Variants in PARD3 observed in about 807,000 individuals in gnomAD.
The protein encoded by PARD3 is par-3 family cell polarity regulator.
PARD3 carries 75 observed loss-of-function variants against 155.4 expected under a neutral mutation model. The ratio of observed to expected loss-of-function variants is 0.48; its 90% CI spans 0.40 to 0.58. The LOEUF is 0.58. Ranked by LOEUF, PARD3 falls within the 20% of genes least tolerant of loss-of-function variation. The pLI is 0.00. For missense variants in PARD3, 1,642 were observed against 1,721.7 expected, an observed-to-expected ratio of 0.95 and a Z score of 0.82; for synonymous variants, 576 against 610.5, an observed-to-expected ratio of 0.94 and a Z score of 0.83.
At chr10:34,253,944 G>A (rs1954483463) in intron 22 of PARD3, among the ~76,000 whole-genome samples, 1 of 152,128 alleles carries the variant, frequency 6.6e-6, no homozygotes, top group Non-Finnish European at 1.5e-5. Flanking sequence ...GGGAGTGGGA[G>A]GGGGCTGGAT....
intron 2 of PARD3, among the ~76,000 whole-genome samples, chr10:34,542,234 T>TGTGTGTGTGCAC (rs143582528): frequency 0.085 from 12,476 of 146,208 alleles, 715 homozygotes; most frequent in East Asian, 0.14. Flanking sequence ...TGTGTGTGTG[T>TGTGTGTGTGCAC]GTGTGCACAC....
chr10:34,140,517 T>G (rs1450104156), intron 22 of PARD3, among the ~76,000 whole-genome samples: 3 of 152,252 alleles, frequency 2.0e-5, no homozygotes, highest in Admixed American at 1.3e-4. Context: ...AAAAGCAAAC[T>G]GTGAACTTTC....
intron 1 of PARD3, among the ~76,000 whole-genome samples, chr10:34,740,006 C>A (rs1175157858): frequency 5.9e-5 from 9 of 152,180 alleles, no homozygotes; most frequent in Admixed American, 3.9e-4. Context: ...GCCAGCGACT[C>A]CGTGCAAGTT....
chr10:34,451,090 G>C (rs146693257), intron 4 of PARD3, among the ~76,000 whole-genome samples: 3 of 152,082 alleles, frequency 2.0e-5, no homozygotes, highest in Non-Finnish European at 4.4e-5. Context: ...TATAACAAGC[G>C]ATGTCTTTAC....
chr10:34,423,637 T>G (rs2075435358), intron 5 of PARD3, among the ~76,000 whole-genome samples: 1 of 152,178 alleles, frequency 6.6e-6, no homozygotes, highest in Non-Finnish European at 1.5e-5. Flanking sequence ...GTAATTACTG[T>G]TATTAACCAA....
At chr10:34,685,441 A>G (rs2093938915) in intron 2 of PARD3, among the ~76,000 whole-genome samples, 1 of 152,210 alleles carries the variant, frequency 6.6e-6, no homozygotes, top group South Asian at 2.1e-4. Flanking sequence ...AAAAAACAGT[A>G]CGCTGGTCAC....
chr10:34,498,956 C>T (rs1442452887), intron 3 of PARD3, among the ~76,000 whole-genome samples: 1 of 152,138 alleles, frequency 6.6e-6, no homozygotes, highest in Non-Finnish European at 1.5e-5. Context: ...AGTAATAGCC[C>T]TGACTCTTGC....
chr10:34,449,826 TTGAAATTTA>T (rs1272926718), intron 5 of PARD3, among the ~76,000 whole-genome samples: 2 of 152,188 alleles, frequency 1.3e-5, no homozygotes, highest in Non-Finnish European at 2.9e-5. Context: ...AAATAGGTCC[TTGAAATTTA>T]TGAAGGGATA....
chr10:34,437,431 G>A (rs933372663), intron 5 of PARD3, among the ~76,000 whole-genome samples: 3 of 152,056 alleles, frequency 2.0e-5, no homozygotes, highest in East Asian at 1.9e-4. Flanking sequence ...GCTTTACTCA[G>A]AGAACTGAGG....
intron 22 of PARD3, among the ~76,000 whole-genome samples, chr10:34,140,700 T>C (rs1161941163): frequency 6.6e-6 from 1 of 152,222 alleles, no homozygotes; most frequent in Non-Finnish European, 1.5e-5. Flanking sequence ...GCAAGCTTCA[T>C]TAAGTTTTAT....
intron 23 of PARD3, among the ~76,000 whole-genome samples, chr10:34,125,692 ATT>A (rs2132724694): frequency 6.6e-6 from 1 of 152,322 alleles, no homozygotes; most frequent in African/African-American, 2.4e-5. Context: ...AAAAGGACAG[ATT>A]TTGTTATTCA....
At chr10:34,428,468 T>C (rs1200343404) in intron 5 of PARD3, among the ~76,000 whole-genome samples, 1 of 152,176 alleles carries the variant, frequency 6.6e-6, no homozygotes, top group Non-Finnish European at 1.5e-5. Flanking sequence ...CTGGGCCTCA[T>C]AGTGAGATCC....
chr10:34,331,751 A>G (rs1039012740), intron 18 of PARD3, among the ~76,000 whole-genome samples: 2 of 123,188 alleles, frequency 1.6e-5, no homozygotes, highest in African/African-American at 6.9e-5. Flanking sequence ...CTTAATTAAA[A>G]CCTTTTTTTT....
intron 4 of PARD3, among the ~76,000 whole-genome samples, chr10:34,461,093 C>A (rs1417761046): frequency 1.3e-5 from 2 of 152,222 alleles, no homozygotes; most frequent in East Asian, 3.9e-4. Context: ...CACATTTCTC[C>A]AAAGGCAGCC....
intron 21 of PARD3, among the ~76,000 whole-genome samples, chr10:34,276,958 A>C (rs909527125): frequency 2.0e-5 from 3 of 152,194 alleles, no homozygotes; most frequent in African/African-American, 7.2e-5. Context: ...TTAACAGAAA[A>C]AATGTTTTTA....
At chr10:34,711,625 C>T (rs2094450247) in intron 1 of PARD3, among the ~76,000 whole-genome samples, 1 of 152,118 alleles carries the variant, frequency 6.6e-6, no homozygotes, top group African/African-American at 2.4e-5. Flanking sequence ...AAGGCAGGGG[C>T]CATCTTCAGC....
intron 1 of PARD3, among the ~76,000 whole-genome samples, chr10:34,807,102 A>G (rs1278847898): frequency 6.6e-6 from 1 of 152,186 alleles, no homozygotes; most frequent in Non-Finnish European, 1.5e-5. Context: ...TGAAGCCCTT[A>G]GAGGGGGTAG....
chr10:34,585,992 G>A (rs2087999773), intron 2 of PARD3, among the ~76,000 whole-genome samples: 1 of 151,830 alleles, frequency 6.6e-6, no homozygotes, highest in South Asian at 2.1e-4. Context: ...CCAGACCTGA[G>A]AATCAGAATC....
chr10:34,406,531 C>A (rs1844492720), intron 5 of PARD3, among the ~76,000 whole-genome samples: 3 of 152,098 alleles, frequency 2.0e-5, no homozygotes, highest in African/African-American at 7.2e-5. Flanking sequence ...GGTCTGATAT[C>A]GTTCTAAAAG....
Sources: gnomAD v4.1 joint callset for allele counts (sites outside exome capture counted in the v4.1 genomes callset) on GRCh38, gnomAD v4.1.1 for gene constraint, MANE v1.5 for transcripts, NCBI Gene and HGNC (gene_info 2026-07-23, HGNC 2026-07-21) for gene names.